Variants in CDK14 observed in about 807,000 individuals in gnomAD.
CDK14 encodes cyclin dependent kinase 14, also known as cyclin-dependent kinase 14.
CDK14 carries 34 observed loss-of-function variants against 60.7 expected under a neutral mutation model. The ratio of observed to expected loss-of-function variants is 0.56; its 90% CI spans 0.43 to 0.75. CDK14 has a LOEUF of 0.75. Ranked by LOEUF, CDK14 falls within the 30% of genes least tolerant of loss-of-function variation. The pLI is 0.00. For synonymous variants in CDK14, 197 were observed against 203.7 expected (o/e 0.97, Z 0.28); for missense variants, 482 against 564.1 (o/e 0.85, Z 1.47).
chr7:90,726,056 A>AATCAAGATGGGGAC, intron 2 of CDK14, among the ~76,000 whole-genome samples: 1 of 152,200 alleles, frequency 6.6e-6, no homozygotes, highest in Non-Finnish European at 1.5e-5. Context: ...TTGGAGATGA[A>AATCAAGATGGGGAC]ATCAAGATGG....
intron 2 of CDK14, among the ~76,000 whole-genome samples, chr7:90,660,553 A>G (rs1800847702): frequency 6.6e-6 from 1 of 152,254 alleles, no homozygotes; most frequent in African/African-American, 2.4e-5. Flanking sequence ...TGCTAAGTGC[A>G]GTGAGAAGAT....
chr7:90,714,273 A>G (rs141264223), intron 2 of CDK14, among the ~76,000 whole-genome samples: 41 of 152,174 alleles, frequency 2.7e-4, no homozygotes, highest in African/African-American at 9.4e-4. Flanking sequence ...TTCCTCAGGT[A>G]AATGAAATCT....
chr7:91,130,439 CCTTTTAA>C (rs1800081350), intron 14 of CDK14, among the ~76,000 whole-genome samples: 1 of 152,016 alleles, frequency 6.6e-6, no homozygotes, highest in African/African-American at 2.4e-5. Context: ...TTAGGGGGTT[CCTTTTAA>C]CTTTTAAGAG....
At chr7:90,919,668 CA>C (rs1793188087) in intron 8 of CDK14, among the ~76,000 whole-genome samples, 2 of 152,140 alleles carry the variant, frequency 1.3e-5, no homozygotes, top group African/African-American at 4.8e-5. Flanking sequence ...AAGCATTTTT[CA>C]AATAATATGT....
chr7:90,668,122 A>G (rs1450129052), intron 2 of CDK14, among the ~76,000 whole-genome samples: 2 of 152,188 alleles, frequency 1.3e-5, no homozygotes, highest in African/African-American at 4.8e-5. Flanking sequence ...TGATTGCAAC[A>G]TGTTATATTT....
At chr7:91,143,669 T>C (rs1277445441) in intron 14 of CDK14, among the ~76,000 whole-genome samples, 1 of 111,824 alleles carries the variant, frequency 8.9e-6, no homozygotes, top group East Asian at 2.7e-4. Flanking sequence ...GTCAAGATCA[T>C]GCTACTGTGT....
intron 2 of CDK14, among the ~76,000 whole-genome samples, chr7:90,635,857 G>T (rs1327972536): frequency 6.6e-6 from 1 of 151,700 alleles, no homozygotes; most frequent in Admixed American, 6.6e-5. Flanking sequence ...CACGTCCCTT[G>T]TAAGTTGGAT....
chr7:90,992,282 G>C (rs1374621159), intron 10 of CDK14, among the ~76,000 whole-genome samples: 1 of 152,170 alleles, frequency 6.6e-6, no homozygotes, highest in Admixed American at 6.5e-5. Context: ...AACTCACATA[G>C]TGAAAAAACT....
chr7:90,787,627 A>G (rs182724693), intron 4 of CDK14, among the ~76,000 whole-genome samples: 1 of 152,306 alleles, frequency 6.6e-6, no homozygotes, highest in Non-Finnish European at 1.5e-5. Flanking sequence ...CTAGATACTG[A>G]GCACATATCA....
intron 14 of CDK14, among the ~76,000 whole-genome samples, chr7:91,197,454 C>T (rs2096633954): frequency 6.6e-6 from 1 of 150,966 alleles, no homozygotes; most frequent in African/African-American, 2.4e-5. Flanking sequence ...AGTTCAGAGA[C>T]AGCTGGTCAC....
At chr7:90,838,830 C>A (rs1790198620) in intron 5 of CDK14, among the ~76,000 whole-genome samples, 1 of 152,086 alleles carries the variant, frequency 6.6e-6, no homozygotes, top group East Asian at 1.9e-4. Context: ...GAACATGGAC[C>A]CTCATCAGTA....
At chr7:90,697,201 C>T (rs1212889169) in intron 2 of CDK14, among the ~76,000 whole-genome samples, 1 of 152,060 alleles carries the variant, frequency 6.6e-6, no homozygotes, top group Non-Finnish European at 1.5e-5. Flanking sequence ...AAGTAGGAGA[C>T]AACTTTGGAA....
intron 12 of CDK14, among the ~76,000 whole-genome samples, chr7:91,084,617 T>C (rs1419973495): frequency 2.6e-5 from 4 of 152,236 alleles, no homozygotes; most frequent in Admixed American, 1.3e-4. Flanking sequence ...TCTTTTTTTG[T>C]AGCAAAGAAT....
chr7:91,080,974 T>C (rs950661082), intron 12 of CDK14, among the ~76,000 whole-genome samples: 5 of 152,240 alleles, frequency 3.3e-5, no homozygotes, highest in Non-Finnish European at 5.9e-5. Context: ...AAAGCTGAGC[T>C]TGAGGTAAGA....
At chr7:91,139,759 T>C (rs1800389852) in intron 14 of CDK14, among the ~76,000 whole-genome samples, 1 of 151,042 alleles carries the variant, frequency 6.6e-6, no homozygotes, top group Admixed American at 6.7e-5. Flanking sequence ...AATTCAGAAC[T>C]TTTCTTTTCT....
chr7:90,729,344 GTTTT>G (rs1237046149), intron 3 of CDK14, among the ~76,000 whole-genome samples: 1 of 45,206 alleles, frequency 2.2e-5, no homozygotes, highest in Non-Finnish European at 3.8e-5. Context: ...AGGTATCAAG[GTTTT>G]TTTTTTTTTT....
At chr7:90,611,288 C>T (rs1799533434) in intron 2 of CDK14, among the ~76,000 whole-genome samples, 1 of 152,172 alleles carries the variant, frequency 6.6e-6, no homozygotes, top group Non-Finnish European at 1.5e-5. Flanking sequence ...GGTTGATGTA[C>T]ACTTGACGTC....
At chr7:90,616,265 T>A (rs1799647386) in intron 2 of CDK14, among the ~76,000 whole-genome samples, 1 of 152,164 alleles carries the variant, frequency 6.6e-6, no homozygotes, top group Non-Finnish European at 1.5e-5. Flanking sequence ...GAATAACTTA[T>A]GGTTACTTTT....
chr7:90,738,687 C>T (rs189076286), intron 3 of CDK14, among the ~76,000 whole-genome samples: 94 of 152,248 alleles, frequency 6.2e-4, no homozygotes, highest in African/African-American at 2.0e-3. Context: ...AGTAGGGAAG[C>T]GATAAGCAGA....
Sources: allele counts gnomAD v4.1 joint callset (sites outside exome capture counted in the v4.1 genomes callset), GRCh38; gene constraint gnomAD v4.1.1; transcripts MANE v1.5; gene names NCBI Gene and HGNC (gene_info 2026-07-23, HGNC 2026-07-21).